The following RNF6 variants were observed in gnomAD, a reference collection of about 807,000 sequenced individuals.
RNF6 encodes the protein E3 ubiquitin-protein ligase RNF6.
Under a neutral mutation model 50.1 loss-of-function variants are expected in RNF6, and 21 were observed. The observed-to-expected ratio is 0.42, with a 90% confidence interval of 0.30 to 0.60. The LOEUF (loss-of-function observed/expected upper bound fraction) is 0.60, where lower values mean the gene tolerates loss of function less well. RNF6 is among the 20% of genes least tolerant of loss of function. RNF6 has a pLI of 0.20. For synonymous variants in RNF6, 255 were observed against 291.8 expected (o/e 0.87, Z 1.29); for missense variants, 698 against 838.2 (o/e 0.83, Z 2.07).
intron 5 of RNF6, among the ~76,000 whole-genome samples, chr13:26,205,135 T>C (rs481432): frequency 0.2 from 30,866 of 152,094 alleles, 3,446 homozygotes; most frequent in African/African-American, 0.29. Flanking sequence ...TTAGAAGAGG[T>C]ATTTCTCTGT....
chr13:26,136,762 C>T (rs956016852), intron 5 of RNF6, among the ~76,000 whole-genome samples: 2 of 152,082 alleles, frequency 1.3e-5, no homozygotes, highest in Non-Finnish European at 2.9e-5. Context: ...AATATGGCCT[C>T]ACTGGGGAGG....
At chr13:26,184,277 C>T (rs1873410045) in intron 5 of RNF6, among the ~76,000 whole-genome samples, 1 of 151,836 alleles carries the variant, frequency 6.6e-6, no homozygotes, top group Admixed American at 6.6e-5. Context: ...GTGATTCGCC[C>T]GTCTCGGCCT....
intron 5 of RNF6, chr13:26,142,170 A>G (rs910682455): frequency 3.3e-5 from 5 of 152,210 alleles, no homozygotes; most frequent in Admixed American, 1.3e-4. Context: ...AATCAAAACC[A>G]CAATAAGATA....
intron 5 of RNF6, among the ~76,000 whole-genome samples, chr13:26,167,608 T>C (rs1011690589): frequency 3.9e-5 from 6 of 152,190 alleles, no homozygotes; most frequent in African/African-American, 1.4e-4. Context: ...GGTGGGAGTA[T>C]AAATTAGTTC....
intron 5 of RNF6, among the ~76,000 whole-genome samples, chr13:26,143,882 A>G (rs984183362): frequency 1.3e-5 from 2 of 152,188 alleles, no homozygotes; most frequent in African/African-American, 4.8e-5. Flanking sequence ...GTTGTATGGA[A>G]TACTATGACA....
At chr13:26,159,101 C>CA (rs57022456) in intron 5 of RNF6, among the ~76,000 whole-genome samples, 152,002 of 152,162 alleles carry the variant, frequency 1, 75,922 homozygotes, top group Middle Eastern at 1. Context: ...TAAATTTTAA[C>CA]AAAAAATTGC....
rs1870128008 is a variant in RNF6 at position 26,218,539 on chromosome 13, A to G, written c.261T>C (p.Pro87=). The G allele has an allele frequency of 6.2e-7, 1 of 1,613,868 alleles. No individual in the cohort carries two copies. Among genetic ancestry groups the G allele is most frequent in the Non-Finnish European group, 8.5e-7 (1 of 1,179,804 alleles). Residue 87 remains proline (P), a synonymous_variant, in exon 4 of 5, where the codon CCT becomes CCC. Coordinates refer to ENST00000381588, the MANE Select transcript of RNF6 (RefSeq NM_005977.4). ...TGTAATTCGTTCCATCTCTCAAGTC[A>G]GGCTGAGATGCTAGTTGTTCCTTGA... ...DGVKEQLASQ[P]DLRDGTNYRD...
downstream of RNF6, among the ~76,000 whole-genome samples, chr13:26,208,738 T>A (rs1484097047): frequency 6.6e-6 from 1 of 152,144 alleles, no homozygotes; most frequent in Non-Finnish European, 1.5e-5. Flanking sequence ...GGTCACATAA[T>A]CTGATCCCAA....
intron 5 of RNF6, among the ~76,000 whole-genome samples, chr13:26,138,209 T>A (rs1456414214): frequency 6.6e-6 from 1 of 152,138 alleles, no homozygotes; most frequent in Non-Finnish European, 1.5e-5. Context: ...ATATCCAAAG[T>A]ACTGGAAGGA....
chr13:26,213,914 A>C lies in RNF6; in HGVS notation c.1968T>G (p.Ile656Met), dbSNP rs767536150. ...CTGAGAGCCATCGGTCAATACAATG[A>C]ATGTGAAATTCATGCATGCAAGGTA... ...RQLPCMHEFHIHCIDRWLSEN... is the reference protein window; with the variant it reads ...RQLPCMHEFHMHCIDRWLSEN... Residue 656 changes from isoleucine (I) to methionine (M), a missense_variant, in exon 5 of 5, where the codon ATT becomes ATG. Ile to Met is a conservative substitution (Grantham distance 10). Transcript: ENST00000381588. 6.2e-7 allele frequency: 1 copy of C among 1,614,186 alleles called. No homozygotes were observed. Among genetic ancestry groups the C allele is most frequent in the Non-Finnish European group, 8.5e-7 (1 of 1,180,026 alleles).
At chr13:26,179,611 A>G (rs1873137046) in intron 5 of RNF6, among the ~76,000 whole-genome samples, 1 of 152,180 alleles carries the variant, frequency 6.6e-6, no homozygotes. Flanking sequence ...TGAGAACTGT[A>G]AGTGGGAAGG....
chr13:26,211,134 C>A (rs539373226), downstream of RNF6, among the ~76,000 whole-genome samples: 1 of 152,136 alleles, frequency 6.6e-6, no homozygotes, highest in African/African-American at 2.4e-5. Flanking sequence ...TTGTCATCAG[C>A]CTTGTTTATT....
intron 5 of RNF6, among the ~76,000 whole-genome samples, chr13:26,176,412 T>C (rs61946761): frequency 0.26 from 39,070 of 151,966 alleles, 5,566 homozygotes; most frequent in East Asian, 0.6. Context: ...ACCTCGACCT[T>C]CCAAAGTCAT....
intron 5 of RNF6, among the ~76,000 whole-genome samples, chr13:26,187,173 G>A (rs1873593894): frequency 7.1e-6 from 1 of 140,110 alleles, no homozygotes. Flanking sequence ...CCACAGGCCT[G>A]AAGACGGCTT....
In RNF6 at chr13:26,213,223, T is replaced by A. The variant is rs1330854995; in HGVS notation, c.*601A>T. The A allele has an allele frequency of 1.3e-5, 2 of 152,644 alleles. No homozygotes were observed. The highest frequency in any genetic ancestry group is 2.9e-5 in the Non-Finnish European group (2 of 68,024). 9.5% of individuals were successfully genotyped at this position (152,644 alleles called of 1,614,324 possible). On this transcript the variant is annotated 3_prime_UTR_variant, in exon 5 of 5. Transcript: ENST00000381588. Reference sequence around the variant, plus strand: ...TGCCAATATTAAACATTGTGCCATATGCAGTATTAGCCCAAAAGCTTAAAT... The same window carrying A: ...TGCCAATATTAAACATTGTGCCATAAGCAGTATTAGCCCAAAAGCTTAAAT...
At chr13:26,177,376 A>T (rs1873007866) in intron 5 of RNF6, among the ~76,000 whole-genome samples, 1 of 152,162 alleles carries the variant, frequency 6.6e-6, no homozygotes. Flanking sequence ...TTGTCAACAG[A>T]TCTAGTGGAT....
chr13:26,189,871 A>C (rs4770948), intron 5 of RNF6, among the ~76,000 whole-genome samples: 76,219 of 152,100 alleles, frequency 0.5, 22,542 homozygotes, highest in East Asian at 0.7. Context: ...TCCAATCACT[A>C]CTCTGACAGT....
At chr13:26,204,496 CAAAAA>C (rs71080239) in intron 5 of RNF6, among the ~76,000 whole-genome samples, 6 of 68,956 alleles carry the variant, frequency 8.7e-5, no homozygotes, top group African/African-American at 1.7e-4. Flanking sequence ...GACTCCACCT[CAAAAA>C]AAAAAAAAAA....
intron 5 of RNF6, among the ~76,000 whole-genome samples, chr13:26,166,255 C>T (rs1593160611): frequency 6.6e-6 from 1 of 152,172 alleles, no homozygotes; most frequent in East Asian, 1.9e-4. Flanking sequence ...CCACATGGAA[C>T]TGTAAGTCCA....
Sources: gnomAD v4.1 joint callset for allele counts (sites outside exome capture counted in the v4.1 genomes callset) on GRCh38, gnomAD v4.1.1 for gene constraint, MANE v1.5 for transcripts, NCBI Gene and HGNC (gene_info 2026-07-23, HGNC 2026-07-21) for gene names.